PITPNC1: variants seen among roughly 807,000 people sequenced by gnomAD.
The protein encoded by PITPNC1 is phosphatidylinositol transfer protein cytoplasmic 1, also known as cytoplasmic phosphatidylinositol transfer protein 1.
In PITPNC1, 18 loss-of-function variants were observed where a neutral mutation model predicts 44.7. The observed-to-expected ratio is 0.40, with a 90% CI of 0.28 to 0.60. The LOEUF is 0.60. PITPNC1 is among the 20% of genes least tolerant of loss of function. The pLI, the probability that PITPNC1 is intolerant of heterozygous loss-of-function variation, is 0.39. For synonymous variants in PITPNC1, 141 were observed against 149.6 expected (o/e 0.94, Z 0.42); for missense variants, 290 against 418.4 (o/e 0.69, Z 2.68).
At chr17:67,533,687 A>G (rs902545885) in intron 2 of PITPNC1, among the ~76,000 whole-genome samples, 1 of 152,178 alleles carries the variant, frequency 6.6e-6, no homozygotes, top group African/African-American at 2.4e-5. Flanking sequence ...AGGGAATGAC[A>G]AAACAAACAG....
intron 5 of PITPNC1, among the ~76,000 whole-genome samples, chr17:67,592,995 G>C (rs933881707): frequency 6.6e-6 from 1 of 152,068 alleles, no homozygotes; most frequent in Non-Finnish European, 1.5e-5. Context: ...TCATGATGGC[G>C]CTACTACACT....
chr17:67,509,523 T>C (rs13353200), intron 1 of PITPNC1, among the ~76,000 whole-genome samples: 24,983 of 151,100 alleles, frequency 0.17, 2,625 homozygotes, highest in African/African-American at 0.3. Flanking sequence ...GGCAACAGAG[T>C]GAGGCTCCAT....
chr17:67,658,943 C>T (rs1567763316), intron 6 of PITPNC1, among the ~76,000 whole-genome samples: 1 of 152,162 alleles, frequency 6.6e-6, no homozygotes, highest in Non-Finnish European at 1.5e-5. Context: ...CCATCATTTA[C>T]CTCTGTTGGG....
At chr17:67,413,391 A>T (rs2038533739) in intron 1 of PITPNC1, among the ~76,000 whole-genome samples, 1 of 69,778 alleles carries the variant, frequency 1.4e-5, no homozygotes, top group South Asian at 4.3e-4. Flanking sequence ...GCACTTTATA[A>T]TGTGCTTAAT....
At chr17:67,495,052 GTTTTTTT>G (rs1243868487) in intron 1 of PITPNC1, among the ~76,000 whole-genome samples, 8 of 38,584 alleles carry the variant, frequency 2.1e-4, no homozygotes, top group South Asian at 1.4e-3. Context: ...TTTTTTTTTT[GTTTTTTT>G]TTTTTTTTTT....
intron 6 of PITPNC1, among the ~76,000 whole-genome samples, chr17:67,653,654 A>G (rs2042233137): frequency 6.6e-6 from 1 of 152,188 alleles, no homozygotes; most frequent in Non-Finnish European, 1.5e-5. Flanking sequence ...CACATGTTAG[A>G]TTTCTTTCTC....
rs538212045 is a variant in PITPNC1 at position 67,540,331 on chromosome 17, C to T, written c.197+7381C>T. Among the ~76,000 whole-genome samples, 8 of 152,178 alleles carry T rather than the reference C, an allele frequency of 5.3e-5. No individual in the cohort carries two copies. In the South Asian group the frequency reaches 1.7e-3, roughly 32 times the overall value. ...TGTTGGGCAGGCTGGTTTCTAACTC[C>T]TTACCTCAAATGATCCTCCCACCTT... On this transcript the variant is annotated intron_variant, in intron 2 of 8. Transcript: ENST00000581322.
At chr17:67,606,822 T>G (rs1261152897) in intron 5 of PITPNC1, among the ~76,000 whole-genome samples, 3 of 150,990 alleles carry the variant, frequency 2.0e-5, no homozygotes, top group Non-Finnish European at 3.0e-5. Flanking sequence ...GAGAAAGAAA[T>G]AAAAAGAGGT....
intron 1 of PITPNC1, among the ~76,000 whole-genome samples, chr17:67,493,186 G>T (rs1225131803): frequency 6.6e-6 from 1 of 152,194 alleles, no homozygotes; most frequent in East Asian, 1.9e-4. Flanking sequence ...AGGTCCAAAT[G>T]TTGAACGCAG....
At chr17:67,684,892 C>T (rs889665902) in intron 8 of PITPNC1, among the ~76,000 whole-genome samples, 11 of 152,184 alleles carry the variant, frequency 7.2e-5, no homozygotes, top group African/African-American at 2.4e-4. Flanking sequence ...CCTATCTTGA[C>T]GTTGAGCTAA....
chr17:67,682,690 C>T (rs1319504327), intron 8 of PITPNC1, among the ~76,000 whole-genome samples: 1 of 152,108 alleles, frequency 6.6e-6, no homozygotes, highest in East Asian at 1.9e-4. Context: ...GAAGAAATAC[C>T]GTACCAGTTG....
chr17:67,535,967 A>G (rs1334294941), intron 2 of PITPNC1, among the ~76,000 whole-genome samples: 1 of 152,232 alleles, frequency 6.6e-6, no homozygotes, highest in East Asian at 1.9e-4. Context: ...ATTTTTGACA[A>G]TCAAGGTCTG....
chr17:67,520,662 G>T (rs1446554407), intron 1 of PITPNC1, among the ~76,000 whole-genome samples: 1 of 152,076 alleles, frequency 6.6e-6, no homozygotes, highest in African/African-American at 2.4e-5. Context: ...GAACGGGAGC[G>T]CACAGGACTC....
In PITPNC1 at chr17:67,378,215, C is replaced by A; in HGVS notation, c.48+13C>A. 1 of 1,510,986 alleles carries A rather than the reference C, an allele frequency of 6.6e-7. No individual in the cohort carries two copies. Among genetic ancestry groups the A allele is most frequent in the Non-Finnish European group, 8.8e-7 (1 of 1,130,574 alleles). The allele number at this position is 1,510,986 out of a possible 1,614,324, so 93.6% of individuals were successfully genotyped here. A position where few individuals can be genotyped will look rare whatever the true frequency, so the allele number is the denominator to read the frequency against. On this transcript the variant is annotated intron_variant, in intron 1 of 8. Coordinates refer to ENST00000581322, the MANE Select transcript of PITPNC1 (RefSeq NM_012417.4). ...CACCGTAGACGAGGTAAGCGCCGCG[C>A]CCGGCCCGGCCTCGCCCGCTCCGGG...
intron 6 of PITPNC1, among the ~76,000 whole-genome samples, chr17:67,637,130 A>G (rs2042042599): frequency 1.3e-5 from 2 of 152,238 alleles, no homozygotes; most frequent in South Asian, 2.1e-4. Context: ...CTGCCACAGC[A>G]CCAGTGCTTA....
At chr17:67,604,567 G>GAGGTC (rs1242484145) in intron 5 of PITPNC1, among the ~76,000 whole-genome samples, 5 of 152,212 alleles carry the variant, frequency 3.3e-5, no homozygotes, top group Non-Finnish European at 5.9e-5. Flanking sequence ...TGGATAGCTT[G>GAGGTC]AGGTCAGGAG....
intron 1 of PITPNC1, among the ~76,000 whole-genome samples, chr17:67,495,149 C>T (rs1373662142): frequency 6.7e-6 from 1 of 148,150 alleles, no homozygotes; most frequent in Non-Finnish European, 1.5e-5. Flanking sequence ...CTCCGCCTCC[C>T]GGGTTCACGC....
intron 8 of PITPNC1, chr17:67,687,158 G>A (rs761740255): frequency 6.3e-6 from 10 of 1,595,498 alleles, no homozygotes; most frequent in Non-Finnish European, 8.6e-6. Flanking sequence ...CCCTGTGGAT[G>A]ACATAGAGAG....
chr17:67,586,144 A>G (rs2041313139), intron 5 of PITPNC1, among the ~76,000 whole-genome samples: 1 of 152,192 alleles, frequency 6.6e-6, no homozygotes, highest in South Asian at 2.1e-4. Context: ...TTGAAAATGT[A>G]GTAAAAGCTA....
Sources: allele counts gnomAD v4.1 joint callset (sites outside exome capture counted in the v4.1 genomes callset), GRCh38; gene constraint gnomAD v4.1.1; transcripts MANE v1.5; gene names NCBI Gene and HGNC (gene_info 2026-07-23, HGNC 2026-07-21).